Variants in CCDC73 observed in about 807,000 individuals in gnomAD.
CCDC73 encodes the protein coiled-coil domain containing 73, also known as coiled-coil domain-containing protein 73.
In CCDC73, 95 loss-of-function variants were observed where a neutral mutation model predicts 116.5. The ratio of observed to expected loss-of-function variants is 0.82; its 90% confidence interval spans 0.69 to 0.97. CCDC73 has a LOEUF of 0.97. Among genes scored for constraint, CCDC73 ranks in the 50% least tolerant of loss-of-function variants. The pLI is 0.00. For synonymous variants in CCDC73, 398 were observed against 401.3 expected (o/e 0.99, Z 0.10); for missense variants, 1,066 against 1,206.8 (o/e 0.88, Z 1.73).
At chr11:32,739,015 T>A (rs1159199369) in intron 2 of CCDC73, among the ~76,000 whole-genome samples, 1 of 152,144 alleles carries the variant, frequency 6.6e-6, no homozygotes, top group Non-Finnish European at 1.5e-5. Context: ...GTGTGTGACT[T>A]TGTTTCTGGG....
intron 14 of CCDC73, among the ~76,000 whole-genome samples, chr11:32,626,006 A>G (rs1181716103): frequency 7.2e-6 from 1 of 139,310 alleles, no homozygotes; most frequent in African/African-American, 2.6e-5. Context: ...AAGGAAATAA[A>G]GGGTATTCAA....
chr11:32,734,812 T>G (rs1360919715), intron 2 of CCDC73, among the ~76,000 whole-genome samples: 2 of 152,192 alleles, frequency 1.3e-5, no homozygotes, highest in Non-Finnish European at 2.9e-5. Context: ...ATCAAAAAAC[T>G]TATCCACCAT....
chr11:32,825,761 C>CA, the CCDC73 span, among the ~76,000 whole-genome samples: 7 of 151,160 alleles, frequency 4.6e-5, no homozygotes, highest in South Asian at 2.1e-4. Flanking sequence ...TATGAGTTCA[C>CA]AAAAAAAAGG....
At chr11:32,691,266 G>C (rs948010008) in intron 6 of CCDC73, among the ~76,000 whole-genome samples, 4 of 151,892 alleles carry the variant, frequency 2.6e-5, no homozygotes, top group Non-Finnish European at 4.4e-5. Flanking sequence ...GGCTGGTCTC[G>C]AACTCCTGAC....
At chr11:32,681,144 T>G (rs979180696) in intron 7 of CCDC73, 14 of 152,012 alleles carry the variant, frequency 9.2e-5, no homozygotes, top group Admixed American at 2.6e-4. Flanking sequence ...TTCTTGTAAA[T>G]CTTTTATTTA....
At chr11:32,666,624 G>T (rs1855984941) in intron 9 of CCDC73, among the ~76,000 whole-genome samples, 1 of 152,178 alleles carries the variant, frequency 6.6e-6, no homozygotes, top group Admixed American at 6.5e-5. Flanking sequence ...TTAGCTCGGA[G>T]AAGTTTGATT....
chr11:32,792,012 A>G (rs1388551264), intron 1 of CCDC73, among the ~76,000 whole-genome samples: 2 of 151,690 alleles, frequency 1.3e-5, no homozygotes, highest in Admixed American at 1.3e-4. Context: ...ACACACACAC[A>G]CACACACAAT....
chr11:32,752,945 T>C (rs533475339), intron 2 of CCDC73, among the ~76,000 whole-genome samples: 1 of 152,116 alleles, frequency 6.6e-6, no homozygotes, highest in African/African-American at 2.4e-5. Context: ...TAGCTAGGAC[T>C]ATGGGCACAT....
In CCDC73 at chr11:32,702,830, C is replaced by A. The variant is rs751322318; in HGVS notation, c.279+43G>T. On this transcript the variant is annotated intron_variant, in intron 4 of 17. Coordinates refer to ENST00000335185, the MANE Select transcript of CCDC73 (RefSeq NM_001008391.4). Reference sequence around the variant, plus strand: ...ATATTCATAGGAGGGGGAGGAAATGCAATATTTAAAATGGTAGTGTTTGTC... The same window carrying A: ...ATATTCATAGGAGGGGGAGGAAATGAAATATTTAAAATGGTAGTGTTTGTC... The A allele has an allele frequency of 7.0e-6, 9 of 1,285,026 alleles. No homozygotes were observed. In the African/African-American group the frequency reaches 1.3e-4, roughly 19 times the overall value. The allele number at this position is 1,285,026 out of a possible 1,614,324, so 79.6% of individuals were successfully genotyped here. A position where few individuals can be genotyped will look rare whatever the true frequency, so the allele number is the denominator to read the frequency against.
chr11:32,629,304 T>A (rs1253056683), intron 14 of CCDC73, among the ~76,000 whole-genome samples: 1 of 151,974 alleles, frequency 6.6e-6, no homozygotes, highest in Admixed American at 6.6e-5. Context: ...AGAAATTCAA[T>A]AAATTCCAAG....
chr11:32,662,613 A>G (rs1025863097), intron 9 of CCDC73, among the ~76,000 whole-genome samples: 2 of 151,970 alleles, frequency 1.3e-5, no homozygotes, highest in African/African-American at 4.8e-5. Context: ...GTAGATTGCA[A>G]AATTTTTTTC....
chr11:32,757,495 T>C (rs1357809518), intron 2 of CCDC73, among the ~76,000 whole-genome samples: 1 of 152,188 alleles, frequency 6.6e-6, no homozygotes, highest in Non-Finnish European at 1.5e-5. Flanking sequence ...AGGTTACTAT[T>C]ACTACTGTAA....
chr11:32,678,202 C>A (rs1228676444), intron 7 of CCDC73, among the ~76,000 whole-genome samples: 1 of 152,036 alleles, frequency 6.6e-6, no homozygotes, highest in Admixed American at 6.6e-5. Context: ...TCACTTGAAC[C>A]CTGGGGGCAA....
At chr11:32,708,668 C>T (rs1849874700) in intron 3 of CCDC73, among the ~76,000 whole-genome samples, 1 of 151,916 alleles carries the variant, frequency 6.6e-6, no homozygotes, top group Admixed American at 6.6e-5. Context: ...GTTTGTTTTG[C>T]AGCTATTGTA....
At chr11:32,808,653 A>AG in the CCDC73 span, among the ~76,000 whole-genome samples, 1 of 151,788 alleles carries the variant, frequency 6.6e-6, no homozygotes, top group African/African-American at 2.4e-5. Context: ...AAAAAAAAAA[A>AG]GGCCATAAAT....
At chr11:32,676,326 C>T (rs570160731) in intron 7 of CCDC73, among the ~76,000 whole-genome samples, 1 of 152,138 alleles carries the variant, frequency 6.6e-6, no homozygotes, top group Non-Finnish European at 1.5e-5. Context: ...ATCAGCCTAA[C>T]ACTAAGAAAA....
chr11:32,788,559 C>T (rs960919153), intron 1 of CCDC73, among the ~76,000 whole-genome samples: 2 of 151,666 alleles, frequency 1.3e-5, no homozygotes, highest in Non-Finnish European at 2.9e-5. Context: ...ACTGCAGCCC[C>T]GACCTCCGGA....
At chr11:32,697,874 GGGTT>G (rs1189017079) in intron 6 of CCDC73, among the ~76,000 whole-genome samples, 1 of 151,662 alleles carries the variant, frequency 6.6e-6, no homozygotes, top group African/African-American at 2.4e-5. Flanking sequence ...CGTGTCACGG[GGGTT>G]GGTTGTACAG....
At chr11:32,702,009 T>C (rs1197503608) in intron 4 of CCDC73, among the ~76,000 whole-genome samples, 4 of 152,204 alleles carry the variant, frequency 2.6e-5, no homozygotes, top group Non-Finnish European at 5.9e-5. Context: ...TGCTCTTTCC[T>C]AGAGAATACT....
Sources: allele counts gnomAD v4.1 joint callset (sites outside exome capture counted in the v4.1 genomes callset), GRCh38; gene constraint gnomAD v4.1.1; transcripts MANE v1.5; gene names NCBI Gene and HGNC (gene_info 2026-07-23, HGNC 2026-07-21).